Variants in NFS1 observed in about 807,000 individuals in gnomAD.
The protein encoded by NFS1 is NFS1 cysteine desulfurase.
NFS1 carries 26 observed loss-of-function variants against 57.3 expected under a neutral mutation model. The observed-to-expected ratio is 0.45, with a 90% CI of 0.33 to 0.63. The LOEUF is 0.63. Ranked by LOEUF, NFS1 falls within the 20% of genes least tolerant of loss-of-function variation. The pLI is 0.02. For missense variants in NFS1, 505 were observed against 605.8 expected (o/e 0.83, Z 1.75); for synonymous variants, 209 against 216.3 (o/e 0.97, Z 0.30).
In NFS1 at chr20:35,698,485, G is replaced by A. The variant is rs2035180487; in HGVS notation, c.203C>T (p.Pro68Leu). The A allele has an allele frequency of 1.2e-6, 2 of 1,605,180 alleles. No individual in the cohort carries two copies. Among genetic ancestry groups the A allele is most frequent in the Non-Finnish European group, 1.7e-6 (2 of 1,175,436 alleles). ...TGGGAAAAGCTTCATCCTTACCAGA[G>A]GAGTTGTAGCTTGCACATCCATATA... ...PLYMDVQATT[P>L]LDPRVLDAML... Residue 68 changes from proline to leucine, a missense_variant, in exon 2 of 13, where the codon CCT (proline) becomes CTT (leucine). By Grantham distance (98) the Pro-to-Leu change is moderately conservative. Transcript: ENST00000374092.
chr20:35,678,058 A>C (rs1333446959), intron 7 of NFS1, among the ~76,000 whole-genome samples: 1 of 152,044 alleles, frequency 6.6e-6, no homozygotes, highest in East Asian at 1.9e-4. Flanking sequence ...TACTAAAAAT[A>C]CAAAAATTAG....
At chr20:35,696,679 G>C (rs908922444) in intron 3 of NFS1, among the ~76,000 whole-genome samples, 1 of 150,316 alleles carries the variant, frequency 6.7e-6, no homozygotes, top group South Asian at 2.1e-4. Flanking sequence ...TTTTTTTAAT[G>C]AACTATTGGC....
intron 5 of NFS1, among the ~76,000 whole-genome samples, chr20:35,688,426 G>A (rs558498812): frequency 6.6e-6 from 1 of 152,020 alleles, no homozygotes; most frequent in Admixed American, 6.6e-5. Context: ...GTGTGGTGGT[G>A]TATGCCTGTA....
intron 12 of NFS1, among the ~76,000 whole-genome samples, chr20:35,671,890 CAAA>C (rs78543354): frequency 9.7e-6 from 1 of 102,638 alleles, no homozygotes; most frequent in Non-Finnish European, 2.1e-5. Flanking sequence ...AACTTGTCTC[CAAA>C]AAAAAAAAAA....
chr20:35,670,087 T>G (rs2034628900), intron 12 of NFS1, among the ~76,000 whole-genome samples: 3 of 152,210 alleles, frequency 2.0e-5, no homozygotes. Flanking sequence ...TCATATGACA[T>G]GTATAAGCAG....
In NFS1 at chr20:35,669,466, G is replaced by A. The variant is rs1409192603; in HGVS notation, c.*156C>T. On this transcript the variant is annotated 3_prime_UTR_variant, in exon 13 of 13. Transcript: ENST00000374092. Reference sequence around the variant, plus strand: ...AAGGAACTGAAGCTAGGGAAAGACAGTTTTCTTGTGTTTCTGTCATAGAGG... The same window carrying A: ...AAGGAACTGAAGCTAGGGAAAGACAATTTTCTTGTGTTTCTGTCATAGAGG... 2 of 673,462 alleles carry A rather than the reference G, an allele frequency of 3.0e-6. No homozygotes were observed. The highest frequency in any genetic ancestry group is 3.6e-5 in the African/African-American group (2 of 56,070). 41.7% of individuals were successfully genotyped at this position (673,462 alleles called of 1,614,324 possible).
intron 6 of NFS1, 126 bp from the exon 7 acceptor site, chr20:35,680,997 C>T: frequency 1.5e-6 from 1 of 669,808 alleles, no homozygotes; most frequent in Non-Finnish European, 2.2e-6. Flanking sequence ...CCCCTCCCTC[C>T]TTCTACCCCT....
In NFS1 at chr20:35,696,478, G is replaced by A; in HGVS notation, c.325-18C>T. 1.2e-6 allele frequency: 2 copies of A among 1,602,408 alleles called. No homozygotes were observed. The highest frequency in any genetic ancestry group is 1.7e-6 in the Non-Finnish European group (2 of 1,169,442). On this transcript the variant is annotated intron_variant, in intron 3 of 12. Coordinates refer to ENST00000374092, the MANE Select transcript of NFS1 (RefSeq NM_021100.5). ...GCTACTTGCTGCAAGCCAAGAAACA[G>A]AGATATATAACATCAGTTCCCCAGG... is the stretch of plus-strand genomic sequence containing the variant.
At chr20:35,686,337 C>T (rs1424679997) in intron 5 of NFS1, among the ~76,000 whole-genome samples, 8 of 116,958 alleles carry the variant, frequency 6.8e-5, no homozygotes, top group African/African-American at 2.3e-4. Flanking sequence ...GCAATAAGAG[C>T]GAAACTCCAT....
At chr20:35,676,758 G>GAAAAAAAA (rs746820595) in intron 7 of NFS1, among the ~76,000 whole-genome samples, 244 of 17,952 alleles carry the variant, frequency 0.014, 6 homozygotes, top group Non-Finnish European at 0.014. Context: ...GAGAAAATCA[G>GAAAAAAAA]AAAAAAAAAA....
chr20:35,678,211 C>T (rs1201263274), intron 7 of NFS1, among the ~76,000 whole-genome samples: 8 of 151,690 alleles, frequency 5.3e-5, no homozygotes, highest in South Asian at 2.1e-4. Context: ...AAAAATTAGC[C>T]GGGCGTGGTG....
intron 7 of NFS1, among the ~76,000 whole-genome samples, chr20:35,677,586 GCCGAA>G (rs2034775383): frequency 6.6e-6 from 1 of 152,090 alleles, no homozygotes; most frequent in Non-Finnish European, 1.5e-5. Context: ...GACTAAACAA[GCCGAA>G]TTACAGAAAT....
In NFS1 at chr20:35,699,256, T is replaced by A; in HGVS notation, c.33A>T (p.Ala11=). 1.4e-6 allele frequency: 2 copies of A among 1,425,520 alleles called. No homozygotes were observed. The highest frequency in any genetic ancestry group is 2.9e-5 in the East Asian group (1 of 34,110). The allele number at this position is 1,425,520 out of a possible 1,614,324, so 88.3% of individuals were successfully genotyped here. The change falls in exon 1 of 13, where the codon GCA becomes GCT. Residue 11 remains alanine (A), a synonymous_variant. Coordinates refer to ENST00000374092, the MANE Select transcript of NFS1 (RefSeq NM_021100.5). The surrounding 1 kb of genome is among the most constrained non-coding windows in gnomAD (Gnocchi z 4.4). MLLRAAWRRA[A]VAVTAAPGPK... Reference sequence around the variant, plus strand: ...GCCCTGGAGCCGCTGTCACCGCCACTGCCGCCCGCCTCCAAGCGGCTCGGA... The same window carrying A: ...GCCCTGGAGCCGCTGTCACCGCCACAGCCGCCCGCCTCCAAGCGGCTCGGA...
intron 6 of NFS1, 88 bp from the exon 7 acceptor site, chr20:35,680,959 G>T: frequency 9.7e-7 from 1 of 1,026,210 alleles, no homozygotes; most frequent in Non-Finnish European, 1.3e-6. Flanking sequence ...ATCTCCAATA[G>T]TAAATGACCT....
intron 5 of NFS1, among the ~76,000 whole-genome samples, chr20:35,683,022 G>C (rs1403215996): frequency 1.3e-5 from 2 of 149,780 alleles, no homozygotes; most frequent in Non-Finnish European, 3.0e-5. Flanking sequence ...AGCTTGCAGT[G>C]AGCGGAGATC....
intron 5 of NFS1, among the ~76,000 whole-genome samples, chr20:35,688,157 G>A (rs558406009): frequency 3.9e-5 from 6 of 152,246 alleles, no homozygotes; most frequent in Admixed American, 2.6e-4. Context: ...GCTGAGGCAG[G>A]AGAATCACTT....
chr20:35,669,504 G>T lies in NFS1; in HGVS notation c.*118C>A. The T allele has an allele frequency of 1.2e-6, 1 of 828,360 alleles. No individual in the cohort carries two copies. The allele number at this position is 828,360 out of a possible 1,614,324, so 51.3% of individuals were successfully genotyped here. ...TCTGTCATAGAGGTGGACTGATGCT[G>T]AAGTCAACTGGTCTATACCAATCTA... On this transcript the variant is annotated 3_prime_UTR_variant, in exon 13 of 13. Coordinates refer to ENST00000374092, the MANE Select transcript of NFS1 (RefSeq NM_021100.5).
In NFS1 at chr20:35,681,913, T is replaced by G; in HGVS notation, c.630A>C (p.Gly210=). ...VSVMTVNNEI[G]VKQPIAEIGR... ...CTATTTCTGCAATAGGCTGCTTCAC[T>G]CCAATCTCATTGTTCACAGTCATGA... The change falls in exon 6 of 13, where the codon GGA becomes GGC. Residue 210 remains glycine (G), a synonymous_variant. Transcript: ENST00000374092. The G allele has an allele frequency of 6.2e-7, 1 of 1,612,374 alleles. No individual in the cohort carries two copies. Among genetic ancestry groups the G allele is most frequent in the Non-Finnish European group, 8.5e-7 (1 of 1,178,500 alleles).
chr20:35,669,895 A>G (rs1201120221), intron 12 of NFS1, among the ~76,000 whole-genome samples: 1 of 152,024 alleles, frequency 6.6e-6, no homozygotes, highest in Non-Finnish European at 1.5e-5. Context: ...GCTCTCCCCA[A>G]CTGCTAACAG....
Sources: allele counts gnomAD v4.1 joint callset (sites outside exome capture counted in the v4.1 genomes callset), GRCh38; gene constraint gnomAD v4.1.1; non-coding constraint Gnocchi (gnomAD v3.1); transcripts MANE v1.5; gene names NCBI Gene and HGNC (gene_info 2026-07-23, HGNC 2026-07-21).